Variants in TSNARE1 observed in about 807,000 individuals in gnomAD.
The protein encoded by TSNARE1 is t-SNARE domain-containing protein 1.
A neutral mutation model predicts 62.0 loss-of-function variants in TSNARE1; 49 were observed. The observed-to-expected ratio is 0.79, with a 90% CI of 0.63 to 1.00. The LOEUF (loss-of-function observed/expected upper bound fraction) is 1.00, where lower values mean the gene tolerates loss of function less well. TSNARE1 is among the 50% of genes least tolerant of loss of function. The pLI is 0.00. For missense variants in TSNARE1, 755 were observed against 700.1 expected (o/e 1.08, Z -0.88); for synonymous variants, 328 against 294.4 (o/e 1.11, Z -1.17).
chr8:142,283,362 G>A (rs1822037872), intron 11 of TSNARE1, among the ~76,000 whole-genome samples: 1 of 151,594 alleles, frequency 6.6e-6, no homozygotes, highest in South Asian at 2.1e-4. Flanking sequence ...ATGAGCGGAG[G>A]TGGGGCCAGT....
rs78798443 is a variant in TSNARE1 at position 142,385,453 on chromosome 8, G to A, written c.-40+17651C>T. Among the ~76,000 whole-genome samples the A allele has an allele frequency of 2.3e-3, 347 of 152,324 alleles. 2 individuals are homozygous for A. The highest frequency in any genetic ancestry group is 7.5e-3 in the African/African-American group (310 of 41,580). ...TGAACTATTAATATATTTACCAGTA[G>A]ATTTAAGACTAAAACAAATGTGAGC... On this transcript the variant is annotated intron_variant, in intron 1 of 13. Transcript: ENST00000524325.
At chr8:142,271,814 C>G (rs572023547) in intron 12 of TSNARE1, 2 of 596,406 alleles carry the variant, frequency 3.4e-6, no homozygotes, top group East Asian at 3.5e-5. Flanking sequence ...ATGGGTCTCA[C>G]GATGCTCCGT....
chr8:142,272,119 G>A (rs1285064283), intron 12 of TSNARE1, among the ~76,000 whole-genome samples: 1 of 151,526 alleles, frequency 6.6e-6, no homozygotes, highest in Non-Finnish European at 1.5e-5. Flanking sequence ...TCACTGTCCA[G>A]CCAACCCCTT....
chr8:142,223,270 A>AC (rs1816561230), intron 13 of TSNARE1, among the ~76,000 whole-genome samples: 1 of 32,300 alleles, frequency 3.1e-5, no homozygotes, highest in Non-Finnish European at 1.0e-4. Flanking sequence ...TCACTCACTC[A>AC]TTCAGTCACT....
At chr8:142,381,069 G>A (rs778315039) in intron 1 of TSNARE1, among the ~76,000 whole-genome samples, 17 of 152,234 alleles carry the variant, frequency 1.1e-4, no homozygotes, top group Non-Finnish European at 1.8e-4. Flanking sequence ...AGCTTCCCAG[G>A]CCTCAGCAGC....
chr8:142,350,249 G>A (rs903680299), intron 2 of TSNARE1, among the ~76,000 whole-genome samples: 4 of 152,174 alleles, frequency 2.6e-5, no homozygotes, highest in Non-Finnish European at 5.9e-5. Context: ...AGGGCAGGCC[G>A]GCTTCTGCAT....
intron 12 of TSNARE1, among the ~76,000 whole-genome samples, chr8:142,259,928 C>G (rs930670510): frequency 1.3e-5 from 2 of 152,134 alleles, no homozygotes; most frequent in Non-Finnish European, 2.9e-5. Flanking sequence ...CCCTCAGGAA[C>G]AGGGCAGTGG....
At chr8:142,372,092 T>A (rs1239244105) in intron 1 of TSNARE1, among the ~76,000 whole-genome samples, 1 of 152,214 alleles carries the variant, frequency 6.6e-6, no homozygotes, top group Non-Finnish European at 1.5e-5. Context: ...GGATTCTGAA[T>A]TCTGCTTGGC....
At chr8:142,214,448 C>T (rs1041998118) in intron 13 of TSNARE1, among the ~76,000 whole-genome samples, 4 of 152,228 alleles carry the variant, frequency 2.6e-5, no homozygotes, top group African/African-American at 4.8e-5. Context: ...CTGGATCCCT[C>T]GGGATAGTTC....
intron 1 of TSNARE1, among the ~76,000 whole-genome samples, chr8:142,367,026 G>A (rs1180631422): frequency 6.6e-6 from 1 of 151,982 alleles, no homozygotes; most frequent in Non-Finnish European, 1.5e-5. Flanking sequence ...CAATAGCAAC[G>A]AAAAATATAG....
chr8:142,254,132 G>A (rs369945821), intron 12 of TSNARE1, among the ~76,000 whole-genome samples: 2 of 152,250 alleles, frequency 1.3e-5, no homozygotes, highest in South Asian at 2.1e-4. Flanking sequence ...CTCTGGCCCC[G>A]GGAGCCCGGC....
intron 12 of TSNARE1, among the ~76,000 whole-genome samples, chr8:142,231,359 T>C (rs1166119648): frequency 6.6e-6 from 1 of 152,186 alleles, no homozygotes; most frequent in Non-Finnish European, 1.5e-5. Context: ...CTAGGTGTTG[T>C]CACAAAGTCA....
At position 142,344,144 on chromosome 8, in the gene TSNARE1, CCGCCACTTGTGCTT is replaced by C; in HGVS notation, c.553_566del (p.Lys185GlyfsTer101). 6.2e-7 allele frequency: 1 copy of C among 1,613,022 alleles called. No homozygotes were observed. The highest frequency in any genetic ancestry group is 8.5e-7 in the Non-Finnish European group (1 of 1,179,792). ...TGCGCCGCACGACGGCTCGTAGGTC[CCGCCACTTGTGCTT>C]CAGGTCCACAACGTCGCGGCGACAG... On this transcript the variant is annotated frameshift_variant, in exon 4 of 14. Coordinates refer to ENST00000524325, the MANE Select transcript of TSNARE1 (RefSeq NM_145003.5). LOFTEE classifies it high-confidence loss of function.
intron 12 of TSNARE1, among the ~76,000 whole-genome samples, chr8:142,250,804 C>A (rs1818123664): frequency 6.6e-6 from 1 of 152,206 alleles, no homozygotes; most frequent in Admixed American, 6.6e-5. Flanking sequence ...CTCCAAGGAG[C>A]TGCCGTGGTG....
intron 4 of TSNARE1, among the ~76,000 whole-genome samples, chr8:142,334,988 A>G (rs1423147912): frequency 6.6e-6 from 1 of 152,376 alleles, no homozygotes; most frequent in East Asian, 1.9e-4. Flanking sequence ...TCCCTGAAGA[A>G]TTAAAGAACG....
rs555807758 is a variant in TSNARE1 at position 142,274,633 on chromosome 8, C to T, written c.1446+148G>A. 20 of 1,340,412 alleles carry T rather than the reference C, an allele frequency of 1.5e-5. No individual in the cohort carries two copies. In the South Asian group the frequency reaches 2.8e-4, roughly 19 times the overall value. The allele number at this position is 1,340,412 out of a possible 1,614,324, so 83.0% of individuals were successfully genotyped here. A position where few individuals can be genotyped will look rare whatever the true frequency, so the allele number is the denominator to read the frequency against. On this transcript the variant is annotated intron_variant, in intron 12 of 13. Transcript: ENST00000524325. The stretch of plus-strand genomic sequence containing the variant: ...CACTCCCAGAGCCCTAGGGCACGGG[C>T]AGCAGACTGGTTCAGAGGAGGCCTG...
chr8:142,222,481 C>T (rs1402255390), intron 13 of TSNARE1, among the ~76,000 whole-genome samples: 2 of 25,856 alleles, frequency 7.7e-5, no homozygotes, highest in Non-Finnish European at 1.8e-4. Context: ...TCCACTCACT[C>T]ACTCACTCAT....
At chr8:142,394,338 G>A (rs545146690) in intron 1 of TSNARE1, among the ~76,000 whole-genome samples, 3 of 152,318 alleles carry the variant, frequency 2.0e-5, no homozygotes, top group South Asian at 4.1e-4. Context: ...GGACAGCTCG[G>A]ACCTCTTACT....
At position 142,229,446 on chromosome 8, in the gene TSNARE1, TGGTGTACGGGTA is replaced by T; in HGVS notation, c.*11+15_*11+26del. The T allele has an allele frequency of 6.5e-7, 1 of 1,547,182 alleles. No individual in the cohort carries two copies. Among genetic ancestry groups the T allele is most frequent in the Non-Finnish European group, 8.9e-7 (1 of 1,119,320 alleles). On this transcript the variant is annotated intron_variant, in intron 13 of 13. Coordinates refer to ENST00000524325, the MANE Select transcript of TSNARE1 (RefSeq NM_145003.5). ...GATGGTGGATGTGCAGATGAATGGATGGTGTACGGGTAGGTGGGGTACTCACCACGGGTAGCA... is the reference window on the plus strand; with the variant it reads ...GATGGTGGATGTGCAGATGAATGGATGGTGGGGTACTCACCACGGGTAGCA...
Sources: allele counts gnomAD v4.1 joint callset (sites outside exome capture counted in the v4.1 genomes callset), GRCh38; gene constraint gnomAD v4.1.1; transcripts MANE v1.5; gene names NCBI Gene and HGNC (gene_info 2026-07-23, HGNC 2026-07-21).